RIMS1: variants seen among roughly 807,000 people sequenced by gnomAD.
RIMS1 encodes the protein regulating synaptic membrane exocytosis protein 1.
In RIMS1, 83 loss-of-function variants were observed where a neutral mutation model predicts 214.1. The observed-to-expected ratio is 0.39, with a 90% confidence interval of 0.32 to 0.47. The LOEUF (loss-of-function observed/expected upper bound fraction) is 0.47, where lower values mean the gene tolerates loss of function less well. Ranked by LOEUF, RIMS1 falls within the 20% of genes least tolerant of loss-of-function variation. RIMS1 has a pLI of 0.99. For missense variants in RIMS1, 2,050 were observed against 2,161.8 expected, an observed-to-expected ratio of 0.95 and a Z score of 1.03; for synonymous variants, 793 against 786.8, an observed-to-expected ratio of 1.01 and a Z score of -0.13.
chr6:72,046,677 T>C (rs1415907690), intron 2 of RIMS1, among the ~76,000 whole-genome samples: 1 of 152,042 alleles, frequency 6.6e-6, no homozygotes, highest in Non-Finnish European at 1.5e-5. Flanking sequence ...GTACTGAGAA[T>C]TGGAATTTTA....
At chr6:72,022,333 C>T (rs1371666785) in intron 2 of RIMS1, among the ~76,000 whole-genome samples, 1 of 152,072 alleles carries the variant, frequency 6.6e-6, no homozygotes, top group Non-Finnish European at 1.5e-5. Context: ...AGATGGAGTC[C>T]CCTGTTCCCC....
At chr6:72,326,675 C>G (rs2096481770) in intron 28 of RIMS1, among the ~76,000 whole-genome samples, 1 of 151,642 alleles carries the variant, frequency 6.6e-6, no homozygotes, top group South Asian at 2.1e-4. Flanking sequence ...ACCCCCATTC[C>G]AGAATTACTT....
chr6:72,256,688 C>CT (rs67347551), intron 16 of RIMS1, among the ~76,000 whole-genome samples: 104,081 of 148,152 alleles, frequency 0.7, 37,125 homozygotes, highest in East Asian at 0.98. Context: ...AATAGTCACC[C>CT]TTTTTTTTTT....
intron 2 of RIMS1, among the ~76,000 whole-genome samples, chr6:71,983,707 A>T (rs1285949651): frequency 6.6e-6 from 1 of 152,142 alleles, no homozygotes; most frequent in African/African-American, 2.4e-5. Flanking sequence ...GAGCACAGGG[A>T]CTGATTTATG....
At chr6:71,939,172 G>A (rs1486736687) in intron 1 of RIMS1, among the ~76,000 whole-genome samples, 3 of 152,296 alleles carry the variant, frequency 2.0e-5, no homozygotes, top group Non-Finnish European at 4.4e-5. Context: ...CTTTACTCCA[G>A]TTTCCAATAT....
At chr6:71,937,482 G>A (rs1183232246) in intron 1 of RIMS1, among the ~76,000 whole-genome samples, 2 of 152,056 alleles carry the variant, frequency 1.3e-5, no homozygotes, top group Admixed American at 6.6e-5. Context: ...CAAACTCCTG[G>A]GCTCAAGCAG....
intron 2 of RIMS1, among the ~76,000 whole-genome samples, chr6:72,015,231 A>G (rs1012796561): frequency 1.3e-5 from 2 of 152,204 alleles, no homozygotes; most frequent in African/African-American, 2.4e-5. Flanking sequence ...TTTGACTGCA[A>G]CACATCACAT....
intron 27 of RIMS1, among the ~76,000 whole-genome samples, chr6:72,311,869 G>T (rs1249503632): frequency 6.6e-6 from 1 of 152,162 alleles, no homozygotes; most frequent in African/African-American, 2.4e-5. Flanking sequence ...TACTTGGGAG[G>T]CTGAGGCAGG....
At chr6:72,183,199 G>A (rs754653780) in intron 6 of RIMS1, 50 bp downstream of exon 6, 52 of 1,552,588 alleles carry the variant, frequency 3.3e-5, no homozygotes, top group Non-Finnish European at 4.2e-5. Context: ...GTGAAGAGGC[G>A]TGGGCAGAGG....
intron 4 of RIMS1, among the ~76,000 whole-genome samples, chr6:72,142,912 T>C (rs549200768): frequency 1.3e-5 from 2 of 152,310 alleles, no homozygotes; most frequent in South Asian, 2.1e-4. Flanking sequence ...AAAACTCTTC[T>C]AATACTAATT....
At chr6:72,213,420 G>A (rs1423947323) in intron 6 of RIMS1, among the ~76,000 whole-genome samples, 2 of 151,850 alleles carry the variant, frequency 1.3e-5, no homozygotes, top group African/African-American at 4.8e-5. Flanking sequence ...GAGATTGTAG[G>A]GTTTATAATA....
chr6:72,082,542 G>T (rs1251063848), intron 2 of RIMS1, among the ~76,000 whole-genome samples: 1 of 152,132 alleles, frequency 6.6e-6, no homozygotes, highest in Admixed American at 6.5e-5. Context: ...AGGAAATTTG[G>T]CGCTAGAACC....
intron 2 of RIMS1, among the ~76,000 whole-genome samples, chr6:72,046,782 T>C (rs1373582639): frequency 2.0e-5 from 3 of 152,148 alleles, no homozygotes; most frequent in Non-Finnish European, 4.4e-5. Flanking sequence ...CAATAGATCA[T>C]ATAAAATAGA....
At chr6:72,002,819 T>C (rs1805751060) in intron 2 of RIMS1, among the ~76,000 whole-genome samples, 1 of 152,120 alleles carries the variant, frequency 6.6e-6, no homozygotes, top group Admixed American at 6.5e-5. Context: ...TGGAGTGTTG[T>C]TTACCCTTTC....
chr6:71,954,889 A>C (rs1790760772), intron 1 of RIMS1, among the ~76,000 whole-genome samples: 1 of 151,550 alleles, frequency 6.6e-6, no homozygotes, highest in Admixed American at 6.6e-5. Context: ...ACACACACAC[A>C]CACACCTAGA....
chr6:71,992,444 T>TTCTTTC (rs1258852735), intron 2 of RIMS1, among the ~76,000 whole-genome samples: 1 of 146,554 alleles, frequency 6.8e-6, no homozygotes, highest in African/African-American at 2.6e-5. Flanking sequence ...CTTTCTTTCT[T>TTCTTTC]TCTTTCTCTT....
At chr6:72,160,555 C>T (rs1332241786) in intron 4 of RIMS1, among the ~76,000 whole-genome samples, 1 of 139,562 alleles carries the variant, frequency 7.2e-6, no homozygotes, top group South Asian at 2.4e-4. Context: ...TGAGATGCAT[C>T]CCATCAATAC....
chr6:72,377,136 C>T (rs2098404475), intron 29 of RIMS1, among the ~76,000 whole-genome samples: 1 of 152,204 alleles, frequency 6.6e-6, no homozygotes, highest in Non-Finnish European at 1.5e-5. Flanking sequence ...TTCTCAGGCT[C>T]TCCAGAGTTC....
chr6:72,188,806 A>G (rs980176304), intron 6 of RIMS1, among the ~76,000 whole-genome samples: 1 of 152,194 alleles, frequency 6.6e-6, no homozygotes, highest in African/African-American at 2.4e-5. Flanking sequence ...GAGACGCCCT[A>G]AGGGATCTCC....
Sources: allele counts gnomAD v4.1 joint callset (sites outside exome capture counted in the v4.1 genomes callset), GRCh38; gene constraint gnomAD v4.1.1; transcripts MANE v1.5; gene names NCBI Gene and HGNC (gene_info 2026-07-23, HGNC 2026-07-21).